The following BEND2 variants were observed in gnomAD, a reference collection of about 807,000 sequenced individuals.
BEND2 encodes the protein BEN domain containing 2.
BEND2 carries 19 observed loss-of-function variants against 43.8 expected under a neutral mutation model. The ratio of observed to expected loss-of-function variants is 0.43; its 90% CI spans 0.30 to 0.64. The LOEUF (loss-of-function observed/expected upper bound fraction) is 0.64. BEND2 is among the 30% of genes least tolerant of loss of function. The pLI, the probability that BEND2 is intolerant of heterozygous loss-of-function variation, is 0.11. For synonymous variants in BEND2, 226 were observed against 210.1 expected, an observed-to-expected ratio of 1.08 and a Z score of -0.66; for missense variants, 544 against 574.0, an observed-to-expected ratio of 0.95 and a Z score of 0.53.
rs1924776818 is a variant in BEND2 at position 18,191,696 on chromosome X, A to AAAG, written c.1181-591_1181-589dup. Among the ~76,000 whole-genome samples the AAAG allele has an allele frequency of 5.4e-5, 6 of 112,082 alleles. No individual in the cohort carries two copies. The South Asian group carries it at 2.2e-3, about 42-fold the overall frequency. On this transcript the variant is annotated intron_variant, in intron 7 of 13. Transcript: ENST00000380033. ...CCATGGAATAGCACTCAGCAATAAA[A>AAAG]AAGAAGGAACCATTTGGGGGCTTGC...
At chrX:18,185,454 C>G (rs1924533064) in intron 8 of BEND2, among the ~76,000 whole-genome samples, 1 of 108,394 alleles carries the variant, frequency 9.2e-6, no homozygotes, top group Non-Finnish European at 1.9e-5. Flanking sequence ...TCACTTGAAC[C>G]CGGGAGGTGG....
chrX:18,193,484 T>G (rs1266951956), intron 7 of BEND2, among the ~76,000 whole-genome samples: 1 of 111,399 alleles, frequency 9.0e-6, no homozygotes, highest in African/African-American at 3.3e-5. Flanking sequence ...ATTAATACAA[T>G]TAAGTGGGAG....
At chrX:18,176,234 T>A (rs1569116479) in intron 10 of BEND2, 141 bp from the exon 11 acceptor site, 1 of 452,425 alleles carries the variant, frequency 2.2e-6, no homozygotes, top group East Asian at 4.5e-5. Context: ...TCTTTCTACT[T>A]CTCATCCTTT....
chrX:18,202,898 A>G (rs774134110), intron 5 of BEND2, among the ~76,000 whole-genome samples: 19 of 111,649 alleles, frequency 1.7e-4, no homozygotes, highest in Non-Finnish European at 3.6e-4. Context: ...CCTTCAATAG[A>G]TGAATGGTTA....
rs1404006880 is a variant in BEND2, at chrX:18,166,129, C to T, written c.2186-906G>A. Among the ~76,000 whole-genome samples, 3 of 111,982 alleles carry T rather than the reference C, an allele frequency of 2.7e-5. No homozygotes were observed. In the Admixed American group the frequency reaches 2.8e-4, roughly 11 times the overall value. On this transcript the variant is annotated intron_variant, in intron 13 of 13. Transcript: ENST00000380033. ...TGTGGTATGTCACTGGATTCAGTATCCCACTCTATCCTGCTAACATTTTAT... is the reference window on the plus strand; with the variant it reads ...TGTGGTATGTCACTGGATTCAGTATTCCACTCTATCCTGCTAACATTTTAT...
In BEND2 at chrX:18,174,065, G is replaced by A; in HGVS notation, c.1946C>T (p.Ser649Phe). The change falls in exon 12 of 14, where the codon TCC becomes TTC. Residue 649 changes from serine to phenylalanine, a missense_variant. Ser to Phe is a radical substitution (Grantham distance 155). Around this residue, in one of 2 missense-constraint regions of BEND2, gnomAD observed 501 missense variants for 501.6 expected, o/e 1.00. Transcript: ENST00000380033. The stretch of plus-strand genomic sequence containing the variant: ...ACCAGGTTCCTCTGGATTATCAGTG[G>A]AAGGTTCTCGCATTCCTTCAGGGAT... Reference protein sequence around the residue: ...NAIPEGMREPSTDNPEEPGEA... With the variant: ...NAIPEGMREPFTDNPEEPGEA... 1 of 1,210,748 alleles carries A rather than the reference G, an allele frequency of 8.3e-7. No individual in the cohort carries two copies. Among genetic ancestry groups the A allele is most frequent in the Non-Finnish European group, 1.1e-6 (1 of 895,084 alleles).
chrX:18,164,904 A>T lies in BEND2; in HGVS notation c.*105T>A. 1.1e-6 allele frequency: 1 copy of T among 890,880 alleles called. No homozygotes were observed. The highest frequency in any genetic ancestry group is 1.6e-6 in the Non-Finnish European group (1 of 644,239). 73.4% of individuals were successfully genotyped at this position (890,880 alleles called of 1,213,427 possible). A position where few individuals can be genotyped will look rare whatever the true frequency, so the allele number is the denominator to read the frequency against. ...TGGCGATTACTACAGGTGTCAATGC[A>T]AACTACTCTGCCAGTACAGCAGGCT... On this transcript the variant is annotated 3_prime_UTR_variant, in exon 14 of 14. Coordinates refer to ENST00000380033, the MANE Select transcript of BEND2 (RefSeq NM_153346.5).
In BEND2 at chrX:18,180,538, T is replaced by C. The variant is rs1270623004; in HGVS notation, c.1401A>G (p.Ser467=). Residue 467 remains serine (S), a synonymous_variant, in exon 9 of 14, where the codon TCA becomes TCG. Transcript: ENST00000380033. ...ACTTGGGAGGGATACAGACAGATGA[T>C]GAGGAAGAATCCTGGCCACTGTCAC... ...LDSDSGQDSS[S]SSVCIPPKYG... is the part of the protein sequence containing the mutation. The C allele has an allele frequency of 2.5e-6, 3 of 1,206,513 alleles. No individual in the cohort carries two copies. Among genetic ancestry groups the C allele is most frequent in the South Asian group, 1.8e-5 (1 of 56,849 alleles).
At chrX:18,168,436 G>A (rs1198332585) in intron 13 of BEND2, among the ~76,000 whole-genome samples, 1 of 112,056 alleles carries the variant, frequency 8.9e-6, no homozygotes, top group Non-Finnish European at 1.9e-5. Context: ...ATGAATTGGA[G>A]CTGAGACAGC....
chrX:18,203,943 TAA>T (rs1382038339), intron 4 of BEND2, 28 bp from the exon 5 acceptor site: 8 of 1,123,295 alleles, frequency 7.1e-6, no homozygotes, highest in Non-Finnish European at 9.5e-6. Flanking sequence ...ACAGAATGAG[TAA>T]AGTTATTTTC....
rs182176930 is a variant in BEND2, at chrX:18,192,451, A to C, written c.1181-1343T>G. On this transcript the variant is annotated intron_variant, in intron 7 of 13. Coordinates refer to ENST00000380033, the MANE Select transcript of BEND2 (RefSeq NM_153346.5). ...AGGAAGAAAAAACAATGAAAGAAGA[A>C]GAAATATGCATATGGAGAAACCGGA... Among the ~76,000 whole-genome samples, 392 of 112,105 alleles carry C rather than the reference A, an allele frequency of 3.5e-3. 3 individuals are homozygous for C. Among genetic ancestry groups the C allele is most frequent in the African/African-American group, 0.011 (355 of 30,935 alleles).
intron 7 of BEND2, among the ~76,000 whole-genome samples, chrX:18,195,054 T>C (rs1924893459): frequency 9.0e-6 from 1 of 111,438 alleles, no homozygotes; most frequent in South Asian, 3.8e-4. Flanking sequence ...CTGTGGCTTG[T>C]ATAAATGTGA....
intron 4 of BEND2, among the ~76,000 whole-genome samples, chrX:18,209,601 C>T (rs181954186): frequency 3.9e-4 from 44 of 111,846 alleles, no homozygotes; most frequent in African/African-American, 1.1e-3. Context: ...TGCATAATCT[C>T]GATCTATTCA....
chrX:18,207,810 G>C (rs1925384352), intron 4 of BEND2, among the ~76,000 whole-genome samples: 1 of 111,242 alleles, frequency 9.0e-6, no homozygotes, highest in Admixed American at 9.5e-5. Flanking sequence ...CCTGAGGTCA[G>C]GAGTTCGAGG....
chrX:18,165,699 T>C (rs1043962005), intron 13 of BEND2, among the ~76,000 whole-genome samples: 1 of 112,075 alleles, frequency 8.9e-6, no homozygotes, highest in Non-Finnish European at 1.9e-5. Flanking sequence ...TAAGGGTCTT[T>C]AGATCTTGCA....
chrX:18,181,116 G>A (rs953467038), intron 8 of BEND2, among the ~76,000 whole-genome samples: 5 of 111,094 alleles, frequency 4.5e-5, no homozygotes, highest in Non-Finnish European at 9.4e-5. Context: ...AGGAACAGTG[G>A]CACATCAGAA....
intron 9 of BEND2, among the ~76,000 whole-genome samples, chrX:18,179,453 C>T (rs774428454): frequency 1.2e-4 from 13 of 110,766 alleles, no homozygotes; most frequent in South Asian, 3.9e-4. Flanking sequence ...CCTGAGCCAC[C>T]GTGCCCAGCC....
At chrX:18,166,316 C>T (rs190311207) in intron 13 of BEND2, among the ~76,000 whole-genome samples, 18 of 111,845 alleles carry the variant, frequency 1.6e-4, no homozygotes, top group Admixed American at 7.6e-4. Flanking sequence ...AAAATGTGTT[C>T]TCTGGAACAC....
At chrX:18,168,509 G>A (rs7890339) in intron 13 of BEND2, among the ~76,000 whole-genome samples, 3 of 111,604 alleles carry the variant, frequency 2.7e-5, no homozygotes, top group Non-Finnish European at 5.6e-5. Flanking sequence ...GCTGAGATAG[G>A]AGTTCCTGCT....
Sources: allele counts gnomAD v4.1 joint callset (sites outside exome capture counted in the v4.1 genomes callset), GRCh38; gene constraint gnomAD v4.1.1; regional missense constraint gnomAD v4.1.1; transcripts MANE v1.5; gene names NCBI Gene and HGNC (gene_info 2026-07-23, HGNC 2026-07-21).